Variants in NCOA1 observed in about 807,000 individuals in gnomAD.
NCOA1 encodes Hin-2 protein.
Under a neutral mutation model 150.9 loss-of-function variants are expected in NCOA1, and 35 were observed. The observed-to-expected ratio is 0.23, with a 90% confidence interval of 0.18 to 0.31. The LOEUF (loss-of-function observed/expected upper bound fraction) is 0.31. Among genes scored for constraint, NCOA1 ranks in the 10% least tolerant of loss-of-function variants. The probability of loss-of-function intolerance (pLI) is 1.00; values close to 1 mark genes in which losing one functional copy is unlikely to be tolerated. For missense variants in NCOA1, 1,491 were observed against 1,749.3 expected (o/e 0.85, Z 2.63); for synonymous variants, 590 against 630.0 (o/e 0.94, Z 0.95).
intron 1 of NCOA1, among the ~76,000 whole-genome samples, chr2:24,507,435 GTTTTTT>G (rs10651704): frequency 7.9e-6 from 1 of 126,526 alleles, no homozygotes; most frequent in Non-Finnish European, 1.6e-5. Flanking sequence ...GAGCTGCTGG[GTTTTTT>G]TTTTTTTTTT....
At chr2:24,603,132 C>T (rs1020694912) in intron 3 of NCOA1, among the ~76,000 whole-genome samples, 1 of 152,118 alleles carries the variant, frequency 6.6e-6, no homozygotes, top group African/African-American at 2.4e-5. Flanking sequence ...ATAAAAGTTA[C>T]GTTTATGCTA....
chr2:24,643,678 A>G (rs1432627764), intron 3 of NCOA1, among the ~76,000 whole-genome samples: 1 of 152,210 alleles, frequency 6.6e-6, no homozygotes, highest in African/African-American at 2.4e-5. Context: ...GCAGCCAGAA[A>G]CAACTTTTAA....
At chr2:24,672,720 T>G (rs571404340) in intron 6 of NCOA1, among the ~76,000 whole-genome samples, 1 of 152,232 alleles carries the variant, frequency 6.6e-6, no homozygotes, top group Non-Finnish European at 1.5e-5. Flanking sequence ...TGTTTTAAAG[T>G]GAAAATATGA....
At chr2:24,672,308 G>A (rs1010595699) in intron 6 of NCOA1, among the ~76,000 whole-genome samples, 1 of 152,136 alleles carries the variant, frequency 6.6e-6, no homozygotes, top group Non-Finnish European at 1.5e-5. Context: ...AAGATCTGAG[G>A]CAAATGACGT....
At chr2:24,669,918 G>A (rs957511963) in intron 6 of NCOA1, among the ~76,000 whole-genome samples, 2 of 152,228 alleles carry the variant, frequency 1.3e-5, no homozygotes, top group East Asian at 1.9e-4. Context: ...TGAGAAGATC[G>A]CTTGAGCCCA....
intron 1 of NCOA1, among the ~76,000 whole-genome samples, chr2:24,563,141 AT>A (rs1192445577): frequency 1.3e-5 from 2 of 152,208 alleles, no homozygotes; most frequent in African/African-American, 2.4e-5. Context: ...ATTCTCAGTG[AT>A]GAGAATGTAG....
chr2:24,658,885 C>T (rs1463662855), intron 5 of NCOA1, 119 bp downstream of exon 5: 2 of 847,084 alleles, frequency 2.4e-6, no homozygotes, highest in Non-Finnish European at 3.8e-6. Flanking sequence ...CTTTCATACT[C>T]ACCATGTTGT....
chr2:24,591,090 A>G (rs990516349), intron 3 of NCOA1, among the ~76,000 whole-genome samples: 1 of 152,222 alleles, frequency 6.6e-6, no homozygotes, highest in Non-Finnish European at 1.5e-5. Flanking sequence ...AAATACTGTA[A>G]GTATAAACTT....
At chr2:24,623,717 T>C (rs929160284) in intron 3 of NCOA1, among the ~76,000 whole-genome samples, 11 of 152,198 alleles carry the variant, frequency 7.2e-5, no homozygotes, top group Non-Finnish European at 1.6e-4. Context: ...TGGTTTCTGG[T>C]GAGGCCTCTC....
chr2:24,569,112 A>G (rs891084298), intron 2 of NCOA1, among the ~76,000 whole-genome samples: 1 of 150,846 alleles, frequency 6.6e-6, no homozygotes, highest in Non-Finnish European at 1.5e-5. Flanking sequence ...GAGAATTGGC[A>G]TTTAGTAATG....
At chr2:24,673,492 A>AT (rs751915221) in intron 7 of NCOA1, 29 bp downstream of exon 7, 16 of 1,484,310 alleles carry the variant, frequency 1.1e-5, no homozygotes, top group Non-Finnish European at 1.5e-5. Context: ...TCAGAAAGTG[A>AT]TTAAAATCTT....
intron 1 of NCOA1, among the ~76,000 whole-genome samples, chr2:24,548,008 A>AAT (rs1553426819): frequency 2.0e-5 from 3 of 150,068 alleles, no homozygotes; most frequent in South Asian, 2.1e-4. Context: ...AAAAAAAAAA[A>AAT]GGATGAGGGA....
intron 1 of NCOA1, among the ~76,000 whole-genome samples, chr2:24,556,555 A>G (rs1666082352): frequency 6.6e-6 from 1 of 152,234 alleles, no homozygotes; most frequent in Admixed American, 6.5e-5. Flanking sequence ...ACCCCATTAA[A>G]AAGTGGGCAA....
intron 19 of NCOA1, among the ~76,000 whole-genome samples, chr2:24,745,413 C>T (rs1422732213): frequency 2.6e-5 from 4 of 152,182 alleles, no homozygotes; most frequent in South Asian, 2.1e-4. Context: ...CCACCCACCT[C>T]GGCCTCCCAA....
At chr2:24,529,239 G>A (rs1664780611) in intron 1 of NCOA1, among the ~76,000 whole-genome samples, 1 of 152,158 alleles carries the variant, frequency 6.6e-6, no homozygotes, top group South Asian at 2.1e-4. Context: ...TATTTAACAG[G>A]GTAACCTGGG....
At chr2:24,569,508 C>T (rs1200271024) in intron 2 of NCOA1, among the ~76,000 whole-genome samples, 1 of 149,658 alleles carries the variant, frequency 6.7e-6, no homozygotes, top group Non-Finnish European at 1.5e-5. Context: ...AATAATTCAA[C>T]CTCTGAGAGT....
chr2:24,703,479 G>A (rs1291535933), intron 11 of NCOA1, among the ~76,000 whole-genome samples: 2 of 152,164 alleles, frequency 1.3e-5, no homozygotes, highest in Admixed American at 1.3e-4. Context: ...AACATAAAGT[G>A]TGGTAATTGT....
intron 17 of NCOA1, among the ~76,000 whole-genome samples, chr2:24,735,509 A>G (rs1477604327): frequency 2.0e-5 from 3 of 152,126 alleles, no homozygotes; most frequent in African/African-American, 7.2e-5. Context: ...AGGTCAGTTT[A>G]AAAACAGATG....
intron 6 of NCOA1, among the ~76,000 whole-genome samples, chr2:24,671,156 T>C (rs1193333873): frequency 6.6e-6 from 1 of 152,224 alleles, no homozygotes; most frequent in Non-Finnish European, 1.5e-5. Flanking sequence ...CCACTGCAGA[T>C]TATTTATATA....
Sources: gnomAD v4.1 joint callset for allele counts (sites outside exome capture counted in the v4.1 genomes callset) on GRCh38, gnomAD v4.1.1 for gene constraint, MANE v1.5 for transcripts, NCBI Gene and HGNC (gene_info 2026-07-23, HGNC 2026-07-21) for gene names.